OC90: variants seen among roughly 807,000 people sequenced by gnomAD.
OC90 encodes otoconin-90.
OC90 carries 46 observed loss-of-function variants against 47.3 expected under a neutral mutation model. The observed-to-expected ratio is 0.97, with a 90% confidence interval of 0.77 to 1.24. The LOEUF is 1.24. Ranked by LOEUF, OC90 falls within the 50% of genes most tolerant of loss-of-function variation. The pLI, the probability that OC90 is intolerant of heterozygous loss-of-function variation, is 0.00. For synonymous variants in OC90, 271 were observed against 219.5 expected (o/e 1.23, Z -2.07); for missense variants, 688 against 583.9 (o/e 1.18, Z -1.84).
chr8:132,025,187 T>C (rs962564135), intron 13 of OC90, among the ~76,000 whole-genome samples: 2 of 152,172 alleles, frequency 1.3e-5, no homozygotes, highest in African/African-American at 4.8e-5. Context: ...TTACAGTAGG[T>C]AGATAGGCAG....
chr8:132,050,439 T>C (rs571271773), intron 2 of OC90, among the ~76,000 whole-genome samples: 9 of 152,134 alleles, frequency 5.9e-5, no homozygotes, highest in Non-Finnish European at 1.0e-4. Context: ...ATGGGACATG[T>C]CCTACCTCTA....
At chr8:132,049,169 C>T (rs965779595) in intron 2 of OC90, among the ~76,000 whole-genome samples, 13 of 151,774 alleles carry the variant, frequency 8.6e-5, no homozygotes, top group Admixed American at 3.9e-4. Flanking sequence ...CCTTTAAACA[C>T]GTGTAGCATA....
Position 132,038,981 on chromosome 8 carries a change from C to T in OC90, c.586+14G>A, listed in dbSNP as rs778125428. On this transcript the variant is annotated intron_variant, in intron 7 of 13. Coordinates refer to ENST00000254627, the MANE Select transcript of OC90 (RefSeq NM_001080399.3). ...TCCTCAGCCCCACGGCTGATGCAGC[C>T]AGGTTCTTCCTACCTGGAGTCTGAG... is the stretch of plus-strand genomic sequence containing the variant. The T allele has an allele frequency of 1.2e-6, 2 of 1,613,954 alleles. No homozygotes were observed. Among genetic ancestry groups the T allele is most frequent in the South Asian group, 2.2e-5 (2 of 91,072 alleles).
At chr8:132,025,341 T>C (rs192626006) in intron 13 of OC90, among the ~76,000 whole-genome samples, 1 of 152,252 alleles carries the variant, frequency 6.6e-6, no homozygotes, top group Admixed American at 6.5e-5. Flanking sequence ...AACTTCCCAA[T>C]AAAAACTTAA....
chr8:132,048,413 G>C (rs1823164791), intron 2 of OC90, among the ~76,000 whole-genome samples: 1 of 151,786 alleles, frequency 6.6e-6, no homozygotes, highest in Admixed American at 6.5e-5. Context: ...GGGATGGTTG[G>C]AGTATGGAGA....
rs958083949 is a variant in OC90, at chr8:132,038,021, C to A, written c.629-533G>T. Among the ~76,000 whole-genome samples the A allele has an allele frequency of 3.4e-4, 52 of 152,166 alleles. 1 individual carries two copies. Among genetic ancestry groups the A allele is most frequent in the Non-Finnish European group, 1.0e-4 (7 of 68,042 alleles). On this transcript the variant is annotated intron_variant, in intron 8 of 13. Transcript: ENST00000254627. ...TCTCTTTAACAAACACCAAACACTGCATGACTAGTTCTGGGAGAGAGACTC... is the reference window on the plus strand; with the variant it reads ...TCTCTTTAACAAACACCAAACACTGAATGACTAGTTCTGGGAGAGAGACTC...
chr8:132,043,957 C>G (rs1312249257), intron 4 of OC90, among the ~76,000 whole-genome samples: 1 of 152,104 alleles, frequency 6.6e-6, no homozygotes, highest in African/African-American at 2.4e-5. Flanking sequence ...TCATAGTGTC[C>G]TGATAGTCAC....
intron 11 of OC90, 56 bp downstream of exon 11, chr8:132,032,983 C>T (rs59322939): frequency 2.5e-6 from 4 of 1,578,044 alleles, no homozygotes; most frequent in South Asian, 1.2e-5. Context: ...GGTGATTGTT[C>T]ACAGCCTCAC....
chr8:132,051,248 C>T (rs1823209219), intron 2 of OC90, among the ~76,000 whole-genome samples: 1 of 152,206 alleles, frequency 6.6e-6, no homozygotes, highest in East Asian at 1.9e-4. Flanking sequence ...TCTGGCTATG[C>T]TGTTCACTGC....
intron 10 of OC90, 66 bp downstream of exon 10, chr8:132,034,715 A>C: frequency 9.0e-7 from 1 of 1,109,502 alleles, no homozygotes; most frequent in Non-Finnish European, 1.3e-6. Context: ...TGATATCATA[A>C]ATGTGTCAAG....
intron 9 of OC90, chr8:132,036,289 G>A (rs1255384335): frequency 2.6e-6 from 2 of 774,842 alleles, no homozygotes; most frequent in Admixed American, 1.7e-5. Context: ...GTGGTCACAG[G>A]ACTGAGCACA....
At position 132,041,072 on chromosome 8, in the gene OC90, G is replaced by A. The variant is rs376477706; in HGVS notation, c.429C>T (p.Val143=). The A allele has an allele frequency of 1.4e-5, 22 of 1,610,322 alleles. No individual in the cohort carries two copies. The highest frequency in any genetic ancestry group is 1.6e-4 in the Middle Eastern group (1 of 6,080). The stretch of plus-strand genomic sequence containing the variant: ...ATATGATCTTCTTGCTGACACAATT[G>A]ACCTCTGTGCTAAGTTTGGCGGGGT... ...LQDPAKLSTE[V]NCVSKKIICE... is the part of the protein sequence containing the mutation. Residue 143 remains valine, a synonymous_variant, in exon 6 of 14, where the codon GTC becomes GTT. Transcript: ENST00000254627.
At chr8:132,028,706 C>CAGACAGAA (rs1563727700) in intron 13 of OC90, among the ~76,000 whole-genome samples, 1 of 112,974 alleles carries the variant, frequency 8.9e-6, no homozygotes, top group Non-Finnish European at 1.9e-5. Context: ...GAAAGAGAGA[C>CAGACAGAA]AGAAAGAAAG....
chr8:132,030,551 T>G (rs1207822775), intron 12 of OC90, among the ~76,000 whole-genome samples: 1 of 152,248 alleles, frequency 6.6e-6, no homozygotes, highest in Non-Finnish European at 1.5e-5. Flanking sequence ...TCTGTTGCCT[T>G]GTCTCATTGA....
At position 132,033,955 on chromosome 8, in the gene OC90, C is replaced by T. The variant is rs144385094; in HGVS notation, c.734-791G>A. ...GATTGCAGTCTTTCCCCAAATCCAC[C>T]ATATTGGTTTGCTTCGTGCATCTGG... is the stretch of plus-strand genomic sequence containing the variant. On this transcript the variant is annotated intron_variant, in intron 10 of 13. Coordinates refer to ENST00000254627, the MANE Select transcript of OC90 (RefSeq NM_001080399.3). Among the ~76,000 whole-genome samples the T allele has an allele frequency of 2.4e-3, 359 of 152,298 alleles. 6 individuals carry two copies. Among genetic ancestry groups the T allele is most frequent in the Admixed American group, 0.017 (264 of 15,298 alleles).
chr8:132,040,880 G>C (rs1164377297), intron 6 of OC90, among the ~76,000 whole-genome samples, 164 bp downstream of exon 6: 1 of 152,234 alleles, frequency 6.6e-6, no homozygotes. Context: ...GAAAGATACA[G>C]ATGCCATTGA....
Position 132,050,477 on chromosome 8 carries a change from C to T in OC90, c.46+4504G>A, listed in dbSNP as rs183774661. Reference sequence around the variant, plus strand: ...TAAGATCCCAGGGATGTTCATGAAACTCACTGAAACCACCTCTGCCTTAAG... The same window carrying T: ...TAAGATCCCAGGGATGTTCATGAAATTCACTGAAACCACCTCTGCCTTAAG... On this transcript the variant is annotated intron_variant, in intron 2 of 13. Coordinates refer to ENST00000254627, the MANE Select transcript of OC90 (RefSeq NM_001080399.3). Among the ~76,000 whole-genome samples, 508 of 152,276 alleles carry T rather than the reference C, an allele frequency of 3.3e-3. 2 individuals are homozygous for T. The highest frequency in any genetic ancestry group is 0.014 in the Middle Eastern group (4 of 294).
At chr8:132,028,722 AAGAG>A (rs201305840) in intron 13 of OC90, among the ~76,000 whole-genome samples, 2 of 145,502 alleles carry the variant, frequency 1.4e-5, no homozygotes, top group South Asian at 4.3e-4. Context: ...GAAAGAAAGA[AAGAG>A]AAAGAAAGAA....
chr8:132,054,641 C>T (rs1057143184), intron 2 of OC90, among the ~76,000 whole-genome samples: 29 of 152,148 alleles, frequency 1.9e-4, no homozygotes, highest in African/African-American at 6.0e-4. Flanking sequence ...TACGATTGCA[C>T]GTAAACTTTC....
Sources: gnomAD v4.1 joint callset for allele counts (sites outside exome capture counted in the v4.1 genomes callset) on GRCh38, gnomAD v4.1.1 for gene constraint, MANE v1.5 for transcripts, NCBI Gene and HGNC (gene_info 2026-07-23, HGNC 2026-07-21) for gene names.